HHAT: variants seen among roughly 807,000 people sequenced by gnomAD.
HHAT encodes protein-cysteine N-palmitoyltransferase HHAT.
A neutral mutation model predicts 70.8 loss-of-function variants in HHAT; 47 were observed. The ratio of observed to expected loss-of-function variants is 0.66; its 90% CI spans 0.53 to 0.85. The LOEUF (loss-of-function observed/expected upper bound fraction) is 0.85, where lower values mean the gene tolerates loss of function less well. HHAT is among the 40% of genes least tolerant of loss of function. HHAT has a pLI of 0.00. For synonymous variants in HHAT, 228 were observed against 247.6 expected, an observed-to-expected ratio of 0.92 and a Z score of 0.74; for missense variants, 609 against 604.8, an observed-to-expected ratio of 1.01 and a Z score of -0.07.
Position 210,674,461 on chromosome 1 carries a change from C to A in HHAT, c.*82C>A. 1 of 1,066,778 alleles carries A rather than the reference C, an allele frequency of 9.4e-7. No individual in the cohort carries two copies. The allele number at this position is 1,066,778 out of a possible 1,614,324, so 66.1% of individuals were successfully genotyped here. A position where few individuals can be genotyped will look rare whatever the true frequency, so the allele number is the denominator to read the frequency against. On this transcript the variant is annotated 3_prime_UTR_variant, in exon 12 of 12. Transcript: ENST00000261458. ...CCCTGACCTCTCACTCCAGGACAGC[C>A]TCTAAGGGATTTGATCTGCTCATCT...
At chr1:210,466,861 T>A (rs1419611396) in intron 8 of HHAT, among the ~76,000 whole-genome samples, 3 of 152,204 alleles carry the variant, frequency 2.0e-5, no homozygotes, top group African/African-American at 7.2e-5. Context: ...CTGTCTTGAT[T>A]AGAACTAGAC....
intron 9 of HHAT, among the ~76,000 whole-genome samples, chr1:210,531,277 A>T (rs904006702): frequency 3.7e-5 from 5 of 136,880 alleles, no homozygotes; most frequent in African/African-American, 1.2e-4. Flanking sequence ...GCATGACTGT[A>T]CATATGAACT....
At chr1:210,652,698 A>G (rs2148937740) in intron 11 of HHAT, among the ~76,000 whole-genome samples, 1 of 150,320 alleles carries the variant, frequency 6.7e-6, no homozygotes, top group South Asian at 2.1e-4. Flanking sequence ...AGCAGCCTGT[A>G]AGAAGAATGG....
intron 9 of HHAT, among the ~76,000 whole-genome samples, chr1:210,540,473 A>ACG (rs1472743550): frequency 2.0e-5 from 2 of 102,094 alleles, no homozygotes; most frequent in African/African-American, 5.6e-5. Context: ...ACACACACGC[A>ACG]CACACATGCA....
At chr1:210,534,023 G>A (rs535510029) in intron 9 of HHAT, among the ~76,000 whole-genome samples, 2 of 152,270 alleles carry the variant, frequency 1.3e-5, no homozygotes, top group African/African-American at 4.8e-5. Flanking sequence ...GGGAGCCAGT[G>A]GGGGAAATGA....
At chr1:210,567,587 C>G (rs1270326344) in intron 9 of HHAT, among the ~76,000 whole-genome samples, 1 of 152,198 alleles carries the variant, frequency 6.6e-6, no homozygotes. Flanking sequence ...TGTTTATATA[C>G]TGTCAGTATA....
chr1:210,411,190 T>C (rs2092541105), intron 6 of HHAT, among the ~76,000 whole-genome samples: 1 of 152,208 alleles, frequency 6.6e-6, no homozygotes, highest in Admixed American at 6.5e-5. Flanking sequence ...CTGTTGGTTC[T>C]GGCCTCCTCC....
At chr1:210,343,484 G>A (rs935184118) in intron 1 of HHAT, among the ~76,000 whole-genome samples, 1 of 152,200 alleles carries the variant, frequency 6.6e-6, no homozygotes, top group Non-Finnish European at 1.5e-5. Context: ...GGCAAGAGTT[G>A]AAAAGAGAGT....
At chr1:210,433,278 C>G (rs2093297052) in intron 7 of HHAT, among the ~76,000 whole-genome samples, 1 of 151,844 alleles carries the variant, frequency 6.6e-6, no homozygotes, top group East Asian at 1.9e-4. Flanking sequence ...CTTGCAGGTT[C>G]AGGTGAAGTA....
At chr1:210,457,141 T>C (rs2093886125) in intron 7 of HHAT, among the ~76,000 whole-genome samples, 1 of 152,124 alleles carries the variant, frequency 6.6e-6, no homozygotes, top group Non-Finnish European at 1.5e-5. Flanking sequence ...GTTGACCACC[T>C]CAGGACATTA....
At chr1:210,505,546 A>G (rs1244918740) in intron 8 of HHAT, among the ~76,000 whole-genome samples, 2 of 151,916 alleles carry the variant, frequency 1.3e-5, no homozygotes, top group African/African-American at 4.8e-5. Flanking sequence ...GCTCTCCAAA[A>G]TTGGGTTAGG....
intron 2 of HHAT, among the ~76,000 whole-genome samples, chr1:210,352,264 G>A (rs975375450): frequency 2.0e-5 from 3 of 152,138 alleles, no homozygotes; most frequent in Non-Finnish European, 4.4e-5. Context: ...TATTGTCAGT[G>A]CTGAAGTGTT....
chr1:210,623,643 A>C lies in HHAT; in HGVS notation c.1363A>C (p.Thr455Pro). 1 of 1,613,762 alleles carries C rather than the reference A, an allele frequency of 6.2e-7. No individual in the cohort carries two copies. Among genetic ancestry groups the C allele is most frequent in the Non-Finnish European group, 8.5e-7 (1 of 1,179,888 alleles). The change falls in exon 11 of 12, where the codon ACC becomes CCC. Residue 455 changes from threonine (T) to proline (P), a missense_variant. Coordinates refer to ENST00000261458, the MANE Select transcript of HHAT (RefSeq NM_018194.6). ...TCTTGGGGGCAATGAGGTTGGGAAA[A>C]CCTACTGGAATAGGATCTTCATACA... is the stretch of plus-strand genomic sequence containing the variant. Reference protein sequence around the residue: ...VFLGGNEVGKTYWNRIFIQGW... With the variant: ...VFLGGNEVGKPYWNRIFIQGW...
intron 9 of HHAT, among the ~76,000 whole-genome samples, chr1:210,531,429 G>A (rs987328138): frequency 6.6e-6 from 1 of 152,170 alleles, no homozygotes; most frequent in African/African-American, 2.4e-5. Context: ...TGAAGAGGAC[G>A]AGGAAGAAGA....
chr1:210,339,479 T>G lies in HHAT; in HGVS notation c.-43-9454T>G, dbSNP rs1386947813. Among the ~76,000 whole-genome samples the G allele has an allele frequency of 1.3e-5, 2 of 152,212 alleles. 1 individual carries two copies. Among genetic ancestry groups the G allele is most frequent in the Admixed American group, 1.3e-4 (2 of 15,288 alleles). Reference sequence around the variant, plus strand: ...TTTGGACTTGCTTTGACCAATAATGTGTTCTGTGAACTCTGGAGCCTGGTC... The same window carrying G: ...TTTGGACTTGCTTTGACCAATAATGGGTTCTGTGAACTCTGGAGCCTGGTC... On this transcript the variant is annotated intron_variant, in intron 1 of 11. Transcript: ENST00000261458.
chr1:210,653,238 T>C (rs1675564750), intron 11 of HHAT, among the ~76,000 whole-genome samples: 1 of 152,120 alleles, frequency 6.6e-6, no homozygotes, highest in Non-Finnish European at 1.5e-5. Flanking sequence ...CAATACATAT[T>C]TTAGAATGAA....
At chr1:210,653,131 A>G (rs1225805238) in intron 11 of HHAT, among the ~76,000 whole-genome samples, 1 of 70,738 alleles carries the variant, frequency 1.4e-5, no homozygotes, top group Non-Finnish European at 3.8e-5. Context: ...AAACAGCTTT[A>G]TACATACATA....
chr1:210,674,303 C>T lies in HHAT; in HGVS notation c.1406C>T (p.Thr469Ile), dbSNP rs994771729. 3 of 1,613,948 alleles carry T rather than the reference C, an allele frequency of 1.9e-6. No individual in the cohort carries two copies. Among genetic ancestry groups the T allele is most frequent in the African/African-American group, 1.3e-5 (1 of 74,924 alleles). ...CCCTCTGCAGGCTGGCCTTGGGTGA[C>T]CCTCTCTGTCCTGGGATTCCTGTAC... ...RIFIQGWPWV[T>I]LSVLGFLYCY... is the part of the protein sequence containing the mutation. The change falls in exon 12 of 12, where the codon ACC (threonine) becomes ATC (isoleucine). Residue 469 changes from threonine to isoleucine, a missense_variant. Physicochemically the swap from Thr to Ile is moderately conservative, Grantham distance 89 (BLOSUM62 -1). Coordinates refer to ENST00000261458, the MANE Select transcript of HHAT (RefSeq NM_018194.6).
intron 7 of HHAT, among the ~76,000 whole-genome samples, chr1:210,456,542 A>AG (rs2148413764): frequency 6.6e-6 from 1 of 152,326 alleles, no homozygotes; most frequent in East Asian, 1.9e-4. Flanking sequence ...TACTATGAGT[A>AG]GGGGATTTTG....
Sources: gnomAD v4.1 joint callset for allele counts (sites outside exome capture counted in the v4.1 genomes callset) on GRCh38, gnomAD v4.1.1 for gene constraint, MANE v1.5 for transcripts, NCBI Gene and HGNC (gene_info 2026-07-23, HGNC 2026-07-21) for gene names.